The following DISC1 variants were observed in gnomAD, a reference collection of about 807,000 sequenced individuals.
The protein encoded by DISC1 is disrupted in schizophrenia 1 protein.
DISC1 carries 57 observed loss-of-function variants against 84.5 expected under a neutral mutation model. The observed-to-expected ratio is 0.67, with a 90% confidence interval of 0.55 to 0.84. DISC1 has a LOEUF of 0.84. Ranked by LOEUF, DISC1 falls within the 40% of genes least tolerant of loss-of-function variation. The pLI is 0.00. For synonymous variants in DISC1, 411 were observed against 415.2 expected (o/e 0.99, Z 0.12); for missense variants, 1,000 against 1,057.8 (o/e 0.95, Z 0.76).
intron 9 of DISC1, among the ~76,000 whole-genome samples, chr1:231,916,756 C>T (rs1243547673): frequency 1.3e-5 from 2 of 151,646 alleles, no homozygotes; most frequent in South Asian, 2.1e-4. Flanking sequence ...TGAGTTTATT[C>T]TCCTTGAGAA....
At chr1:231,878,143 G>A (rs1209989878) in intron 9 of DISC1, among the ~76,000 whole-genome samples, 6 of 152,252 alleles carry the variant, frequency 3.9e-5, no homozygotes, top group South Asian at 2.1e-4. Context: ...TGCTGGGCTC[G>A]GTGCTGCAGA....
intron 8 of DISC1, among the ~76,000 whole-genome samples, chr1:231,800,597 C>A (rs1277230397): frequency 6.6e-6 from 1 of 152,072 alleles, no homozygotes; most frequent in Non-Finnish European, 1.5e-5. Context: ...AAAATCTAGT[C>A]ATAGAAACTT....
At chr1:232,012,456 C>A (rs1668104873) in intron 11 of DISC1, among the ~76,000 whole-genome samples, 2 of 152,140 alleles carry the variant, frequency 1.3e-5, no homozygotes. Flanking sequence ...TTTCCGGGAG[C>A]CATTGAAGTC....
At chr1:231,769,736 T>C (rs1158704405) in intron 5 of DISC1, among the ~76,000 whole-genome samples, 1 of 152,208 alleles carries the variant, frequency 6.6e-6, no homozygotes, top group Non-Finnish European at 1.5e-5. Context: ...CACTGAACTC[T>C]ACACTTAAAA....
At chr1:231,865,936 T>G (rs1267326913) in intron 9 of DISC1, among the ~76,000 whole-genome samples, 1 of 152,212 alleles carries the variant, frequency 6.6e-6, no homozygotes, top group African/African-American at 2.4e-5. Context: ...GTGTGGTCAT[T>G]TTAGTCTTCC....
chr1:231,960,306 T>C (rs1034266628), intron 10 of DISC1, among the ~76,000 whole-genome samples: 1 of 152,192 alleles, frequency 6.6e-6, no homozygotes, highest in Non-Finnish European at 1.5e-5. Flanking sequence ...CATGCTGTAG[T>C]GCAATGGCGC....
intron 7 of DISC1, among the ~76,000 whole-genome samples, chr1:231,798,396 T>C (rs1041516553): frequency 6.6e-6 from 1 of 152,158 alleles, no homozygotes; most frequent in African/African-American, 2.4e-5. Flanking sequence ...AGTATTAATA[T>C]TGACAGCTTG....
chr1:231,999,313 G>T (rs1666361366), intron 10 of DISC1, among the ~76,000 whole-genome samples: 1 of 152,200 alleles, frequency 6.6e-6, no homozygotes, highest in Non-Finnish European at 1.5e-5. Flanking sequence ...TGCAGGACTA[G>T]AGAGAAAACA....
At chr1:231,715,029 C>T (rs765055945) in intron 3 of DISC1, among the ~76,000 whole-genome samples, 1 of 152,160 alleles carries the variant, frequency 6.6e-6, no homozygotes, top group Non-Finnish European at 1.5e-5. Flanking sequence ...TAACAACACA[C>T]GACTAGAGAA....
intron 4 of DISC1, among the ~76,000 whole-genome samples, chr1:231,766,288 TAAAAAAAAAA>T (rs61578768): frequency 9.4e-6 from 1 of 106,128 alleles, no homozygotes; most frequent in East Asian, 2.8e-4. Context: ...AGACATTATC[TAAAAAAAAAA>T]AAAAAAAAAC....
intron 6 of DISC1, among the ~76,000 whole-genome samples, chr1:231,786,864 A>G (rs2077906821): frequency 6.6e-6 from 1 of 152,106 alleles, no homozygotes; most frequent in Admixed American, 6.5e-5. Flanking sequence ...CTCTGAGAAG[A>G]GGCCCTGGCA....
At chr1:232,014,700 C>T (rs1668321639) in intron 11 of DISC1, among the ~76,000 whole-genome samples, 1 of 152,212 alleles carries the variant, frequency 6.6e-6, no homozygotes, top group African/African-American at 2.4e-5. Context: ...TGGCTTTTCA[C>T]ATGACCCTCG....
chr1:231,655,944 A>AT (rs1220702384), intron 1 of DISC1, among the ~76,000 whole-genome samples: 6 of 151,794 alleles, frequency 4.0e-5, no homozygotes, highest in African/African-American at 7.2e-5. Context: ...TTTTAAAGGG[A>AT]TTTTTTCCCC....
intron 4 of DISC1, among the ~76,000 whole-genome samples, chr1:231,751,882 T>C (rs1350442372): frequency 2.6e-5 from 4 of 152,236 alleles, no homozygotes; most frequent in Non-Finnish European, 4.4e-5. Context: ...AATAACTCAT[T>C]TAATGTTCAT....
At chr1:231,843,135 TTC>T (rs1409471588) in intron 9 of DISC1, among the ~76,000 whole-genome samples, 1 of 152,102 alleles carries the variant, frequency 6.6e-6, no homozygotes, top group Non-Finnish European at 1.5e-5. Context: ...CAGGAAAGAT[TTC>T]TGGAAGAGAT....
At chr1:231,771,476 G>C in intron 6 of DISC1, 3 of 985,384 alleles carry the variant, frequency 3.0e-6, no homozygotes, top group Non-Finnish European at 3.6e-6. Flanking sequence ...TTGAGAGAGG[G>C]ACACCCAATG....
intron 11 of DISC1, among the ~76,000 whole-genome samples, chr1:232,025,307 T>C (rs1257750928): frequency 2.0e-5 from 3 of 152,296 alleles, no homozygotes; most frequent in Non-Finnish European, 4.4e-5. Context: ...AAAGCTTAGC[T>C]TGCCTTTAGG....
At position 231,931,332 on chromosome 1, in the gene DISC1, A is replaced by T. The variant is rs551451086; in HGVS notation, c.1982-27496A>T. On this transcript the variant is annotated intron_variant, in intron 9 of 12. Transcript: ENST00000439617. ...AATTTCTCTAACCTTAGGTGGATGT[A>T]TGGGTGAGTCTGCACAGCAACTTAC... is the stretch of plus-strand genomic sequence containing the variant. Among the ~76,000 whole-genome samples the T allele has an allele frequency of 2.0e-5, 3 of 152,314 alleles. No individual in the cohort carries two copies. The South Asian group carries it at 6.2e-4, about 32-fold the overall frequency.
At position 231,992,923 on chromosome 1, in the gene DISC1, C is replaced by T. The variant is rs6662420; in HGVS notation, c.2043-15862C>T. Among the ~76,000 whole-genome samples, 1,482 of 152,128 alleles carry T rather than the reference C, an allele frequency of 9.7e-3. 26 individuals carry two copies. The highest frequency in any genetic ancestry group is 0.034 in the African/African-American group (1,397 of 41,486). ...TTCATAGGGTTTTAAAAAATGAATA[C>T]GAAATATTCCCAAACCTGATTAATT... is the stretch of plus-strand genomic sequence containing the variant. On this transcript the variant is annotated intron_variant, in intron 10 of 12. Transcript: ENST00000439617.
Sources: gnomAD v4.1 joint callset for allele counts (sites outside exome capture counted in the v4.1 genomes callset) on GRCh38, gnomAD v4.1.1 for gene constraint, MANE v1.5 for transcripts, NCBI Gene and HGNC (gene_info 2026-07-23, HGNC 2026-07-21) for gene names.